The following TARBP1 variants were observed in gnomAD, a reference collection of about 807,000 sequenced individuals.
TARBP1 encodes the protein tRNA (guanosine(18)-2'-O)-methyltransferase TARBP1.
TARBP1 carries 144 observed loss-of-function variants against 178.6 expected under a neutral mutation model. That is an observed-to-expected ratio of 0.81 (90% CI 0.70 to 0.93). TARBP1 has a LOEUF of 0.93. TARBP1 is among the 40% of genes least tolerant of loss of function. The probability of loss-of-function intolerance (pLI) is 0.00; values close to 1 mark genes in which losing one functional copy is unlikely to be tolerated. For missense variants in TARBP1, 2,067 were observed against 2,011.7 expected (o/e 1.03, Z -0.53); for synonymous variants, 787 against 781.0 (o/e 1.01, Z -0.13).
chr1:234,473,732 CA>C lies in TARBP1; in HGVS notation c.932-922del, dbSNP rs1159720314. On this transcript the variant is annotated intron_variant, in intron 1 of 29. Coordinates refer to ENST00000040877, the MANE Select transcript of TARBP1 (RefSeq NM_005646.4). The stretch of plus-strand genomic sequence containing the variant: ...ACTCATGGGCTTAGAGCTTTAAACC[CA>C]ATTTTGATTTCTTATCCTTAAACAT... Among the ~76,000 whole-genome samples, 37 of 152,306 alleles carry C rather than the reference CA, an allele frequency of 2.4e-4. 1 individual carries two copies. The highest frequency in any genetic ancestry group is 8.7e-4 in the African/African-American group (36 of 41,564).
At chr1:234,409,915 T>C (rs1011610237) in intron 23 of TARBP1, among the ~76,000 whole-genome samples, 6 of 152,228 alleles carry the variant, frequency 3.9e-5, no homozygotes, top group African/African-American at 1.4e-4. Flanking sequence ...AAATTAGTTA[T>C]GATTTCTGCC....
intron 3 of TARBP1, among the ~76,000 whole-genome samples, chr1:234,468,374 C>T (rs547952953): frequency 6.6e-6 from 1 of 152,064 alleles, no homozygotes; most frequent in Non-Finnish European, 1.5e-5. Context: ...ACACGAGAAT[C>T]GCTTGAACCC....
chr1:234,424,003 A>G (rs1005697206), intron 20 of TARBP1, among the ~76,000 whole-genome samples: 9 of 152,208 alleles, frequency 5.9e-5, no homozygotes, highest in African/African-American at 1.4e-4. Context: ...TAGAAAACCA[A>G]TAACATACTA....
rs752798421 is a variant in TARBP1, at chr1:234,393,668, G to A, written c.4413C>T (p.Ile1471=). The change falls in exon 27 of 30, where the codon ATC becomes ATT. Residue 1471 remains isoleucine, a synonymous_variant. Coordinates refer to ENST00000040877, the MANE Select transcript of TARBP1 (RefSeq NM_005646.4). ...ISRLIVVASL[I]DKPTNLGGLC... The stretch of plus-strand genomic sequence containing the variant: ...TACCTCCTAAATTGGTCGGTTTGTC[G>A]ATGAGCGAGGCCACAACGATGAGTC... 27 of 1,611,980 alleles carry A rather than the reference G, an allele frequency of 1.7e-5. No individual in the cohort carries two copies. In the Admixed American group the frequency reaches 2.5e-4, roughly 15 times the overall value.
intron 22 of TARBP1, among the ~76,000 whole-genome samples, chr1:234,411,079 C>A (rs996141902): frequency 1.3e-5 from 2 of 152,018 alleles, no homozygotes; most frequent in Admixed American, 1.3e-4. Context: ...CAAAAAAAAA[C>A]ATAAAATAAA....
intron 1 of TARBP1, among the ~76,000 whole-genome samples, chr1:234,473,267 G>A (rs1305274212): frequency 1.3e-5 from 2 of 152,218 alleles, no homozygotes; most frequent in Non-Finnish European, 2.9e-5. Flanking sequence ...CGGAACCAAA[G>A]GAAGTGGCTG....
chr1:234,418,273 C>T (rs1662674302), intron 21 of TARBP1, 40 bp from the exon 22 acceptor site: 1 of 1,498,978 alleles, frequency 6.7e-7, no homozygotes, highest in Non-Finnish European at 8.9e-7. Flanking sequence ...TACAGTTATT[C>T]ATTTTAATTT....
At position 234,427,719 on chromosome 1, in the gene TARBP1, G is replaced by A; in HGVS notation, c.3108C>T (p.Phe1036=). ...GACAGCAGTAACTTATCAGTGTATT[G>A]AAGACTCCAGTCTTTATAGCAGACA... is the stretch of plus-strand genomic sequence containing the variant. The part of the protein sequence containing the change: ...IEMSAIKTGV[F]NTLISYCCQS... The change falls in exon 18 of 30, where the codon TTC becomes TTT. Residue 1036 remains phenylalanine (F), a synonymous_variant. Coordinates refer to ENST00000040877, the MANE Select transcript of TARBP1 (RefSeq NM_005646.4). 2 of 1,518,680 alleles carry A rather than the reference G, an allele frequency of 1.3e-6. No individual in the cohort carries two copies. Among genetic ancestry groups the A allele is most frequent in the Non-Finnish European group, 1.8e-6 (2 of 1,141,564 alleles). 94.1% of individuals were successfully genotyped at this position (1,518,680 alleles called of 1,614,324 possible). A position where few individuals can be genotyped will look rare whatever the true frequency, so the allele number is the denominator to read the frequency against.
At chr1:234,469,077 T>TAAAAAAAAAAAAAAAAAAAAAAAAAAAA (rs1327979551) in intron 3 of TARBP1, among the ~76,000 whole-genome samples, 1 of 63,788 alleles carries the variant, frequency 1.6e-5, no homozygotes, top group Non-Finnish European at 2.9e-5. Flanking sequence ...TTTTTTTTTT[T>TAAAAAAAAAAAAAAAAAAAAAAAAAAAA]AAAAAAAAAA....
chr1:234,456,101 T>C (rs1667246195), intron 9 of TARBP1, among the ~76,000 whole-genome samples: 1 of 152,244 alleles, frequency 6.6e-6, no homozygotes, highest in Non-Finnish European at 1.5e-5. Flanking sequence ...TCTCAATCTG[T>C]ATCAGGAACC....
intron 11 of TARBP1, among the ~76,000 whole-genome samples, chr1:234,447,591 G>A (rs536302627): frequency 9.2e-5 from 14 of 151,922 alleles, no homozygotes; most frequent in African/African-American, 3.1e-4. Context: ...ACAGGGTCTC[G>A]CTTATTTTCC....
At chr1:234,448,709 T>A in intron 10 of TARBP1, 130 bp from the exon 11 acceptor site, 1 of 679,160 alleles carries the variant, frequency 1.5e-6, no homozygotes, top group Non-Finnish European at 2.5e-6. Context: ...CGAGATGAAC[T>A]ACAGCAGAAC....
chr1:234,425,004 T>C (rs553259439), intron 20 of TARBP1, among the ~76,000 whole-genome samples: 1 of 151,270 alleles, frequency 6.6e-6, no homozygotes, highest in African/African-American at 2.4e-5. Context: ...GAGGTTGCAA[T>C]GAGCCAAGAT....
intron 13 of TARBP1, among the ~76,000 whole-genome samples, chr1:234,436,953 A>T (rs753360074): frequency 3.9e-5 from 6 of 152,222 alleles, no homozygotes; most frequent in Non-Finnish European, 8.8e-5. Context: ...CCACATCAGA[A>T]TCTTGGGATT....
Position 234,399,943 on chromosome 1 carries a change from G to A in TARBP1, c.4071+1238C>T, listed in dbSNP as rs141000712. Among the ~76,000 whole-genome samples, 213 of 151,304 alleles carry A rather than the reference G, an allele frequency of 1.4e-3. 2 individuals are homozygous for A. The highest frequency in any genetic ancestry group is 4.9e-3 in the African/African-American group (201 of 41,156). On this transcript the variant is annotated intron_variant, in intron 25 of 29. Coordinates refer to ENST00000040877, the MANE Select transcript of TARBP1 (RefSeq NM_005646.4). The stretch of plus-strand genomic sequence containing the variant: ...GGAGATATACCTAATGCTAGATGAC[G>A]AGTTGGTGGGTGCAGCACACGACCA...
At chr1:234,443,375 T>A (rs1665798965) in intron 12 of TARBP1, among the ~76,000 whole-genome samples, 1 of 151,856 alleles carries the variant, frequency 6.6e-6, no homozygotes, top group Admixed American at 6.6e-5. Context: ...CCAACAGAAG[T>A]GGTACCAGAA....
At chr1:234,398,598 A>C (rs1353841365) in intron 25 of TARBP1, 45 bp from the exon 26 acceptor site, 5 of 1,372,234 alleles carry the variant, frequency 3.6e-6, no homozygotes, top group Non-Finnish European at 3.9e-6. Context: ...CTTAAGAATA[A>C]CAAAGAAATA....
In TARBP1 at chr1:234,405,912, T is replaced by G; in HGVS notation, c.3980A>C (p.His1327Pro). 1 of 1,613,982 alleles carries G rather than the reference T, an allele frequency of 6.2e-7. No individual in the cohort carries two copies. The change falls in exon 24 of 30, where the codon CAC becomes CCC. Residue 1327 changes from histidine to proline, a missense_variant. Coordinates refer to ENST00000040877, the MANE Select transcript of TARBP1 (RefSeq NM_005646.4). ...ESSLHQVESMHGAGNAKKNWQ... is the reference protein window; with the variant it reads ...ESSLHQVESMPGAGNAKKNWQ... ...GACGAGGGCTCCTTACCCTGCTCCG[T>G]GCATGCTTTCCACTTGATGGAGGCT...
At chr1:234,457,126 A>T (rs1262078507) in intron 9 of TARBP1, among the ~76,000 whole-genome samples, 1 of 152,208 alleles carries the variant, frequency 6.6e-6, no homozygotes, top group Non-Finnish European at 1.5e-5. Context: ...TGACATCAAC[A>T]AGACATCATC....
Sources: allele counts gnomAD v4.1 joint callset (sites outside exome capture counted in the v4.1 genomes callset), GRCh38; gene constraint gnomAD v4.1.1; transcripts MANE v1.5; gene names NCBI Gene and HGNC (gene_info 2026-07-23, HGNC 2026-07-21).